NEK8: variants seen among roughly 807,000 people sequenced by gnomAD.
The protein encoded by NEK8 is serine/threonine-protein kinase Nek8.
Under a neutral mutation model 77.2 loss-of-function variants are expected in NEK8, and 51 were observed. That is an observed-to-expected ratio of 0.66 (90% confidence interval 0.53 to 0.83). NEK8 has a LOEUF of 0.83. Ranked by LOEUF, NEK8 falls within the 40% of genes least tolerant of loss-of-function variation. NEK8 has a pLI of 0.00. For synonymous variants in NEK8, 365 were observed against 363.2 expected (o/e 1.00, Z -0.06); for missense variants, 787 against 909.2 (o/e 0.87, Z 1.73).
At chr17:28,733,043 T>G (rs1366722384) in intron 1 of NEK8, 1 of 148,540 alleles carries the variant, frequency 6.7e-6, no homozygotes, top group African/African-American at 2.5e-5. Flanking sequence ...TCAGCTAATT[T>G]TTTTTTTTTT....
At chr17:28,733,937 G>A (rs763887913) in intron 1 of NEK8, 46 bp from the exon 2 acceptor site, 3 of 1,555,250 alleles carry the variant, frequency 1.9e-6, no homozygotes, top group Admixed American at 1.7e-5. Context: ...CTGATATGTG[G>A]CTGGAGGCTT....
chr17:28,729,532 A>ATTTT (rs10523946), intron 1 of NEK8, among the ~76,000 whole-genome samples: 17 of 98,330 alleles, frequency 1.7e-4, no homozygotes, highest in African/African-American at 3.0e-4. Flanking sequence ...AATTTTTTGG[A>ATTTT]TTTTTTTTTT....
At chr17:28,732,019 C>T (rs527995468) in intron 1 of NEK8, among the ~76,000 whole-genome samples, 43 of 146,858 alleles carry the variant, frequency 2.9e-4, no homozygotes, top group African/African-American at 1.0e-3. Context: ...CAAGCTCCGC[C>T]TCACGGGTTC....
chr17:28,728,811 G>T lies in NEK8; in HGVS notation c.-3G>T, dbSNP rs1451816014. The T allele has an allele frequency of 6.4e-7, 1 of 1,551,202 alleles. No homozygotes were observed. Among genetic ancestry groups the T allele is most frequent in the Non-Finnish European group, 8.7e-7 (1 of 1,146,686 alleles). Reference sequence around the variant, plus strand: ...GGACGGAAGTGAAACTCTAAGAAATGAGATGGAGAAGTACGAGCGGATCCG... The same window carrying T: ...GGACGGAAGTGAAACTCTAAGAAATTAGATGGAGAAGTACGAGCGGATCCG... On this transcript the variant is annotated 5_prime_UTR_variant, in exon 1 of 15. It removes an upstream start codon present in the reference 5' UTR. Coordinates refer to ENST00000268766, the MANE Select transcript of NEK8 (RefSeq NM_178170.3).
chr17:28,737,373 C>T lies in NEK8; in HGVS notation c.686C>T (p.Pro229Leu). The change falls in exon 5 of 15, where the codon CCT becomes CTT. Residue 229 changes from proline (P) to leucine (L), a missense_variant. This residue lies in a region of NEK8 where 271 missense variants were observed against 365.1 expected (regional missense o/e 0.74). Transcript: ENST00000268766. The surrounding 1 kb of genome is among the most constrained non-coding windows in gnomAD (Gnocchi z 4.8). Reference protein sequence around the residue: ...TFAPISDRYSPELRQLVLSLL... With the variant: ...TFAPISDRYSLELRQLVLSLL... ...GCACCTATCTCTGACCGGTACAGCC[C>T]TGAGCTTCGCCAGCTGGTCCTGAGT... 6.2e-7 allele frequency: 1 copy of T among 1,613,894 alleles called. No individual in the cohort carries two copies. The highest frequency in any genetic ancestry group is 2.2e-5 in the East Asian group (1 of 44,892).
Position 28,741,455 on chromosome 17 carries a change from T to G in NEK8, c.1934T>G (p.Leu645Trp). The G allele has an allele frequency of 6.2e-7, 1 of 1,614,026 alleles. No homozygotes were observed. Among genetic ancestry groups the G allele is most frequent in the Non-Finnish European group, 8.5e-7 (1 of 1,179,998 alleles). The part of the protein sequence containing the change: ...YSWGKGARGR[L>W]GRRDEDAGLP... ...TGGGGCAAAGGGGCGCGAGGTCGAT[T>G]GGGAAGGAGGGATGAGGATGCCGGA... The change falls in exon 14 of 15, where the codon TTG (leucine) becomes TGG (tryptophan). Residue 645 changes from leucine to tryptophan, a missense_variant. This residue lies in a region of NEK8 where 516 missense variants were observed against 544.0 expected (regional missense o/e 0.95). Coordinates refer to ENST00000268766, the MANE Select transcript of NEK8 (RefSeq NM_178170.3). This position sits in a 1 kb window ranked among gnomAD's most constrained non-coding sequence, Gnocchi z 4.5.
rs760385523 is a variant in NEK8, at chr17:28,741,163, G to A, written c.1818G>A (p.Lys606=). 13 of 1,613,954 alleles carry A rather than the reference G, an allele frequency of 8.1e-6. No homozygotes were observed. The East Asian group carries it at 2.9e-4, about 36-fold the overall frequency. ...NTRRGSRAPC[K]VQGLEGIKMA... ...GCCGAGGCAGTCGGGCACCCTGTAA[G>A]GTCCAAGGCCTTGAGGGCATCAAGA... Residue 606 remains lysine (K), a synonymous_variant, in exon 13 of 15, where the codon AAG becomes AAA. Transcript: ENST00000268766. This position sits in a 1 kb window ranked among gnomAD's most constrained non-coding sequence, Gnocchi z 4.5.
chr17:28,738,387 A>T, intron 8 of NEK8, 142 bp downstream of exon 8: 2 of 1,100,724 alleles, frequency 1.8e-6, no homozygotes, highest in South Asian at 2.7e-5. Context: ...ACTATTGAGG[A>T]GATTTCCTTA....
intron 2 of NEK8, 85 bp downstream of exon 2, chr17:28,734,273 T>C: frequency 1.6e-6 from 2 of 1,234,156 alleles, no homozygotes; most frequent in South Asian, 2.4e-5. Context: ...CTTCCCTCCT[T>C]GGAATGGGCA....
chr17:28,741,007 G>T lies in NEK8; in HGVS notation c.1732+22G>T, dbSNP rs377220935. 6.2e-7 allele frequency: 1 copy of T among 1,614,180 alleles called. No individual in the cohort carries two copies. Among genetic ancestry groups the T allele is most frequent in the Non-Finnish European group, 8.5e-7 (1 of 1,180,022 alleles). ...ACTGGTGAGGAGGACTTGGGCTCTGGAGGTCAGAGGGGGACTCACGGTCTC... is the reference window on the plus strand; with the variant it reads ...ACTGGTGAGGAGGACTTGGGCTCTGTAGGTCAGAGGGGGACTCACGGTCTC... On this transcript the variant is annotated intron_variant, in intron 12 of 14. Transcript: ENST00000268766. This position sits in a 1 kb window ranked among gnomAD's most constrained non-coding sequence, Gnocchi z 4.5.
rs1477471785 is a variant in NEK8, at chr17:28,734,959, T to C, written c.441T>C (p.Asp147=). ...ACCGCATGGTCGTCAAGATCGGTGATTTCGGCATCTCCAAGATCCTTAGCA... is the reference window on the plus strand; with the variant it reads ...ACCGCATGGTCGTCAAGATCGGTGACTTCGGCATCTCCAAGATCCTTAGCA... The part of the protein sequence containing the change: ...DKHRMVVKIG[D]FGISKILSSK... The change falls in exon 3 of 15, where the codon GAT becomes GAC. Residue 147 remains aspartate, a synonymous_variant. Transcript: ENST00000268766. 6.2e-7 allele frequency: 1 copy of C among 1,613,218 alleles called. No individual in the cohort carries two copies. Among genetic ancestry groups the C allele is most frequent in the Admixed American group, 1.7e-5 (1 of 59,968 alleles).
At chr17:28,739,283 GCA>G in intron 10 of NEK8, 82 bp downstream of exon 10, 1 of 883,608 alleles carries the variant, frequency 1.1e-6, no homozygotes, top group Non-Finnish European at 1.9e-6. Flanking sequence ...CCACCTCACA[GCA>G]CATTCTCTCT....
intron 4 of NEK8, among the ~76,000 whole-genome samples, chr17:28,736,649 C>A (rs2034368203): frequency 6.6e-6 from 1 of 152,082 alleles, no homozygotes; most frequent in African/African-American, 2.4e-5. Flanking sequence ...TGTTTGAGTT[C>A]TTTGTAGATT....
At chr17:28,734,592 G>A in intron 2 of NEK8, 180 bp from the exon 3 acceptor site, 1 of 615,218 alleles carries the variant, frequency 1.6e-6, no homozygotes, top group Non-Finnish European at 2.9e-6. Flanking sequence ...GCTGAGGCAG[G>A]AGAATGGCTT....
rs1198219068 is a variant in NEK8 at position 28,740,051 on chromosome 17, C to T, written c.1418-412C>T. On this transcript the variant is annotated intron_variant, in intron 10 of 14. Coordinates refer to ENST00000268766, the MANE Select transcript of NEK8 (RefSeq NM_178170.3). This position sits in a 1 kb window ranked among gnomAD's most constrained non-coding sequence, Gnocchi z 4.7. ...CTGTAATCCCAGCACTTTGGGAGGC[C>T]GAGGCAGGTGGATCACAAGGTCAGG... is the stretch of plus-strand genomic sequence containing the variant. 6.6e-6 allele frequency among the ~76,000 whole-genome samples: 1 copy of T among 151,686 alleles called. No homozygotes were observed. The highest frequency in any genetic ancestry group is 1.5e-5 in the Non-Finnish European group (1 of 67,938).
At position 28,739,086 on chromosome 17, in the gene NEK8, C is replaced by T. The variant is rs762881102; in HGVS notation, c.1302C>T (p.Pro434=). 1 of 1,612,672 alleles carries T rather than the reference C, an allele frequency of 6.2e-7. No homozygotes were observed. The highest frequency in any genetic ancestry group is 1.7e-5 in the Admixed American group (1 of 60,022). ...GHGSLTDISQ[P]TIVEALLGYE... ...TCCTTGCTTCCTCTCCTCTCTAGCC[C>T]ACCATTGTGGAGGCTTTGCTGGGCT... The change falls in exon 10 of 15, where the codon CCC becomes CCT. Residue 434 remains proline (P), a splice_region_variant and synonymous_variant. Coordinates refer to ENST00000268766, the MANE Select transcript of NEK8 (RefSeq NM_178170.3).
Position 28,741,082 on chromosome 17 carries a change from G to C in NEK8, c.1737G>C (p.Ser579=), listed in dbSNP as rs376335658. 10 of 1,614,146 alleles carry C rather than the reference G, an allele frequency of 6.2e-6. No homozygotes were observed. The highest frequency in any genetic ancestry group is 8.5e-6 in the Non-Finnish European group (10 of 1,180,032). ...TTTCCTTCCTCTCCCCCATAGCCTC[G>C]GGTGATTGCTACACTTTTGGCAGCA... is the stretch of plus-strand genomic sequence containing the variant. ...GTAHSAAVTA[S]GDCYTFGSNQ... is the part of the protein sequence containing the mutation. The change falls in exon 13 of 15, where the codon TCG becomes TCC. Residue 579 remains serine, a synonymous_variant. Coordinates refer to ENST00000268766, the MANE Select transcript of NEK8 (RefSeq NM_178170.3). The surrounding 1 kb of genome is among the most constrained non-coding windows in gnomAD (Gnocchi z 4.5).
rs575340105 is a variant in NEK8 at position 28,737,510 on chromosome 17, C to T, written c.823C>T (p.Arg275Trp). The change falls in exon 5 of 15, where the codon CGG (arginine) becomes TGG (tryptophan). Residue 275 changes from arginine to tryptophan, a missense_variant. Arg to Trp is a moderately radical substitution (Grantham distance 101, BLOSUM62 -3). Coordinates refer to ENST00000268766, the MANE Select transcript of NEK8 (RefSeq NM_178170.3). The surrounding 1 kb of genome is among the most constrained non-coding windows in gnomAD (Gnocchi z 4.8). ...LHTDVGSVRMRRAEKSVAPSN... is the reference protein window; with the variant it reads ...LHTDVGSVRMWRAEKSVAPSN... ...CACCGACGTGGGCAGTGTCCGCATG[C>T]GGAGGCCTGTGCAGGGACAGCGAGC... The T allele has an allele frequency of 2.3e-5, 37 of 1,613,034 alleles. No individual in the cohort carries two copies. In the South Asian group the frequency reaches 2.3e-4, roughly 10 times the overall value.
chr17:28,731,908 A>ATTTT lies in NEK8; in HGVS notation c.48-2038_48-2035dup, dbSNP rs71135844. ...GCGTGAGCCACCGCGCCTGGCCCCAATTTTTTTTTTTTTTTTTTTTTTTTT... is the reference window on the plus strand; with the variant it reads ...GCGTGAGCCACCGCGCCTGGCCCCAATTTTTTTTTTTTTTTTTTTTTTTTTTTTT... On this transcript the variant is annotated intron_variant, in intron 1 of 14. Transcript: ENST00000268766. 3.1e-3 allele frequency among the ~76,000 whole-genome samples: 163 copies of ATTTT among 52,536 alleles called. 14 individuals are homozygous for ATTTT. The highest frequency in any genetic ancestry group is 5.4e-3 in the East Asian group (9 of 1,662). 34.5% of individuals were successfully genotyped at this position (52,536 alleles called of 152,430 possible). A position where few individuals can be genotyped will look rare whatever the true frequency, so the allele number is the denominator to read the frequency against.
Sources: allele counts gnomAD v4.1 joint callset (sites outside exome capture counted in the v4.1 genomes callset), GRCh38; gene constraint gnomAD v4.1.1; regional missense constraint gnomAD v4.1.1; non-coding constraint Gnocchi (gnomAD v3.1); transcripts MANE v1.5; gene names NCBI Gene and HGNC (gene_info 2026-07-23, HGNC 2026-07-21).